CHIA: variants seen among roughly 807,000 people sequenced by gnomAD.
The protein encoded by CHIA is acidic mammalian chitinase.
A neutral mutation model predicts 53.5 loss-of-function variants in CHIA; 47 were observed. That is an observed-to-expected ratio of 0.88 (90% CI 0.70 to 1.12). The LOEUF (loss-of-function observed/expected upper bound fraction) is 1.12, where lower values mean the gene tolerates loss of function less well. Ranked by LOEUF, CHIA falls within the 50% of genes most tolerant of loss-of-function variation. The probability of loss-of-function intolerance (pLI) is 0.00; values close to 1 mark genes in which losing one functional copy is unlikely to be tolerated. For missense variants in CHIA, 652 were observed against 592.2 expected (o/e 1.10, Z -1.05); for synonymous variants, 268 against 222.2 (o/e 1.21, Z -1.83).
At position 111,310,439 on chromosome 1, in the gene CHIA, G is replaced by A. The variant is rs777284833; in HGVS notation, c.-29G>A. 6 of 1,576,658 alleles carry A rather than the reference G, an allele frequency of 3.8e-6. No homozygotes were observed. Among genetic ancestry groups the A allele is most frequent in the Admixed American group, 3.5e-5 (2 of 57,060 alleles). On this transcript the variant is annotated 5_prime_UTR_variant, in exon 2 of 12. Coordinates refer to ENST00000369740, the MANE Select transcript of CHIA (RefSeq NM_201653.4). ...ACCACAGAATCAGAACATATAAAAA[G>A]CTCTGCGGGACTGGTGCTGACTGCA...
In CHIA at chr1:111,311,706, A is replaced by G. The variant is rs1297290452; in HGVS notation, c.43A>G (p.Asn15Asp). The G allele has an allele frequency of 6.2e-7, 1 of 1,613,918 alleles. No homozygotes were observed. The highest frequency in any genetic ancestry group is 1.3e-5 in the African/African-American group (1 of 74,968). ...CTATCCAGGTCTTGTCCTTATACTG[A>G]ATTTGCAGCTCGGTAAGTCATGGAC... Reference protein sequence around the residue: ...ILLTGLVLILNLQLGSAYQLT... With the variant: ...ILLTGLVLILDLQLGSAYQLT... Residue 15 changes from asparagine (N) to aspartate (D), a missense_variant, in exon 3 of 12, where the codon AAT (asparagine) becomes GAT (aspartate). Physicochemically the swap from Asn to Asp is conservative, Grantham distance 23 (BLOSUM62 1). Coordinates refer to ENST00000369740, the MANE Select transcript of CHIA (RefSeq NM_201653.4).
At chr1:111,310,594 T>C in intron 2 of CHIA, 102 bp downstream of exon 2, 1 of 1,554,636 alleles carries the variant, frequency 6.4e-7, no homozygotes, top group Middle Eastern at 1.7e-4. Flanking sequence ...ATCCCTATAC[T>C]TTTCCATTCT....
intron 11 of CHIA, among the ~76,000 whole-genome samples, chr1:111,319,813 C>A (rs924343831): frequency 6.6e-6 from 1 of 152,178 alleles, no homozygotes; most frequent in Non-Finnish European, 1.5e-5. Flanking sequence ...TTTAAGAAAC[C>A]CTCACCAATG....
At chr1:111,313,546 C>T (rs1015132986) in intron 4 of CHIA, among the ~76,000 whole-genome samples, 2 of 152,098 alleles carry the variant, frequency 1.3e-5, no homozygotes, top group African/African-American at 4.8e-5. Flanking sequence ...ATTTTTGATA[C>T]TAACTAACTC....
chr1:111,310,522 AT>A (rs1648579320), intron 2 of CHIA, 30 bp downstream of exon 2: 17 of 1,614,054 alleles, frequency 1.1e-5, no homozygotes, highest in Non-Finnish European at 1.4e-5. Context: ...TTGACCCTTC[AT>A]CTTATCTAGT....
Position 111,290,882 on chromosome 1 carries a change from C to A in CHIA, c.-137C>A. The A allele has an allele frequency of 2.1e-6, 1 of 469,124 alleles. No individual in the cohort carries two copies. The highest frequency in any genetic ancestry group is 4.4e-6 in the Non-Finnish European group (1 of 226,500). The allele number at this position is 469,124 out of a possible 1,614,324, so 29.1% of individuals were successfully genotyped here. On this transcript the variant is annotated 5_prime_UTR_variant, in exon 1 of 12. Transcript: ENST00000369740. ...TTCATGAAACCTCCTCGTCTGTGCA[C>A]GAACAGGTGGCCGACTCTGGAGCCC...
intron 2 of CHIA, 34 bp from the exon 3 acceptor site, chr1:111,311,655 C>G: frequency 6.2e-7 from 1 of 1,612,760 alleles, no homozygotes; most frequent in African/African-American, 1.3e-5. Flanking sequence ...TACAGACAAT[C>G]GGTTCAAAGT....
chr1:111,296,108 TA>T (rs1239156967), intron 1 of CHIA, among the ~76,000 whole-genome samples: 1 of 152,236 alleles, frequency 6.6e-6, no homozygotes, highest in Non-Finnish European at 1.5e-5. Context: ...TGGCTGCCTC[TA>T]TAGACTCCAC....
At chr1:111,295,502 AG>A (rs1661282310) in intron 1 of CHIA, among the ~76,000 whole-genome samples, 4 of 152,330 alleles carry the variant, frequency 2.6e-5, no homozygotes, top group African/African-American at 7.2e-5. Flanking sequence ...TGTTCATAAA[AG>A]CCTCATAATC....
At chr1:111,299,383 A>C (rs1365011788) in intron 1 of CHIA, among the ~76,000 whole-genome samples, 1 of 152,238 alleles carries the variant, frequency 6.6e-6, no homozygotes, top group Non-Finnish European at 1.5e-5. Flanking sequence ...CAAAAAGCTT[A>C]TCCACCACGA....
At chr1:111,313,021 T>C (rs563004182) in intron 4 of CHIA, among the ~76,000 whole-genome samples, 3 of 152,324 alleles carry the variant, frequency 2.0e-5, no homozygotes. Flanking sequence ...TCATTGTATA[T>C]AAAGACCACA....
At chr1:111,294,656 G>A (rs768977753) in intron 1 of CHIA, among the ~76,000 whole-genome samples, 1 of 152,108 alleles carries the variant, frequency 6.6e-6, no homozygotes, top group Admixed American at 6.5e-5. Context: ...TTTCACCATT[G>A]AGTATGATAT....
chr1:111,295,120 G>T (rs1346540797), intron 1 of CHIA, among the ~76,000 whole-genome samples: 2 of 152,178 alleles, frequency 1.3e-5, no homozygotes, highest in Non-Finnish European at 2.9e-5. Flanking sequence ...TGTCACTAAT[G>T]TTTGGTGGAT....
rs140034927 is a variant in CHIA at position 111,298,840 on chromosome 1, G to A, written c.-69+7890G>A. Among the ~76,000 whole-genome samples the A allele has an allele frequency of 8.3e-3, 1,265 of 152,166 alleles. 31 individuals carry two copies. Among genetic ancestry groups the A allele is most frequent in the African/African-American group, 0.029 (1,196 of 41,502 alleles). ...GATCAACAAAATTGATAGACTGCTAGCAAGACTTACAAAGAAGAAAAGAAA... is the reference window on the plus strand; with the variant it reads ...GATCAACAAAATTGATAGACTGCTAACAAGACTTACAAAGAAGAAAAGAAA... On this transcript the variant is annotated intron_variant, in intron 1 of 11. Coordinates refer to ENST00000369740, the MANE Select transcript of CHIA (RefSeq NM_201653.4).
chr1:111,312,121 G>A, intron 3 of CHIA, 69 bp from the exon 4 acceptor site: 4 of 1,326,838 alleles, frequency 3.0e-6, no homozygotes, highest in Non-Finnish European at 2.2e-6. Flanking sequence ...CAGAGGCAAG[G>A]CCAAAACTCA....
Position 111,318,514 on chromosome 1 carries a change from A to G in CHIA, c.751A>G (p.Lys251Glu). 6.2e-7 allele frequency: 1 copy of G among 1,614,022 alleles called. No individual in the cohort carries two copies. The highest frequency in any genetic ancestry group is 8.5e-7 in the Non-Finnish European group (1 of 1,179,912). The part of the protein sequence containing the change: ...LNVDYVMNYW[K>E]DNGAPAEKLI... ...GCAGGATTATGTCATGAACTACTGG[A>G]AGGACAATGGAGCACCAGCTGAGAA... The change falls in exon 9 of 12, where the codon AAG becomes GAG. Residue 251 changes from lysine (K) to glutamate (E), a missense_variant. By Grantham distance (56) the Lys-to-Glu change is moderately conservative (BLOSUM62 1). Coordinates refer to ENST00000369740, the MANE Select transcript of CHIA (RefSeq NM_201653.4).
chr1:111,310,809 C>T (rs1047472686), intron 2 of CHIA, among the ~76,000 whole-genome samples: 1 of 152,180 alleles, frequency 6.6e-6, no homozygotes, highest in Non-Finnish European at 1.5e-5. Context: ...TACTCTTCTT[C>T]CTACGCCATC....
Position 111,310,499 on chromosome 1 carries a change from T to G in CHIA, c.25+7T>G. The stretch of plus-strand genomic sequence containing the variant: ...AAGCTTATTCTCCTCACAGGTGGGT[T>G]TGTAATCAGAGATTGACCCTTCATC... On this transcript the variant is annotated splice_region_variant and intron_variant, in intron 2 of 11. Transcript: ENST00000369740. The G allele has an allele frequency of 6.2e-7, 1 of 1,614,206 alleles. No individual in the cohort carries two copies. Among genetic ancestry groups the G allele is most frequent in the Non-Finnish European group, 8.5e-7 (1 of 1,180,030 alleles).
chr1:111,320,500 T>A lies in CHIA; in HGVS notation c.*34T>A, dbSNP rs372826781. The stretch of plus-strand genomic sequence containing the variant: ...TGGTCTATATTCCCTAGAGTTCCAG[T>A]CTCTTTTGCTTAGGACATGTTGCCC... On this transcript the variant is annotated 3_prime_UTR_variant, in exon 12 of 12. Transcript: ENST00000369740. 1.7e-5 allele frequency: 27 copies of A among 1,596,260 alleles called. 1 individual carries two copies. In the Middle Eastern group the frequency reaches 4.5e-3, roughly 265 times the overall value.
Sources: allele counts gnomAD v4.1 joint callset (sites outside exome capture counted in the v4.1 genomes callset), GRCh38; gene constraint gnomAD v4.1.1; transcripts MANE v1.5; gene names NCBI Gene and HGNC (gene_info 2026-07-23, HGNC 2026-07-21).